LRP1B: variants seen among roughly 807,000 people sequenced by gnomAD.
LRP1B encodes LDL receptor related protein 1B.
Under a neutral mutation model 556.6 loss-of-function variants are expected in LRP1B, and 217 were observed. The observed-to-expected ratio is 0.39, with a 90% CI of 0.35 to 0.44. LRP1B has a LOEUF of 0.44. Among genes scored for constraint, LRP1B ranks in the 20% least tolerant of loss-of-function variants. LRP1B has a pLI of 1.00. For synonymous variants in LRP1B, 2,047 were observed against 1,865.8 expected, an observed-to-expected ratio of 1.10 and a Z score of -2.50; for missense variants, 5,053 against 5,620.8, an observed-to-expected ratio of 0.90 and a Z score of 3.23.
chr2:141,377,374 C>T (rs562853777), intron 3 of LRP1B, among the ~76,000 whole-genome samples: 5 of 152,074 alleles, frequency 3.3e-5, no homozygotes, highest in Admixed American at 1.3e-4. Context: ...TCTTTTTTTA[C>T]GTAAACAAGT....
At chr2:140,674,628 T>C (rs970504462) in intron 41 of LRP1B, among the ~76,000 whole-genome samples, 1 of 152,216 alleles carries the variant, frequency 6.6e-6, no homozygotes, top group African/African-American at 2.4e-5. Flanking sequence ...ATGTCTCACA[T>C]GTGTTGATTG....
intron 2 of LRP1B, among the ~76,000 whole-genome samples, chr2:141,563,891 C>T (rs529416679): frequency 9.9e-5 from 15 of 151,954 alleles, no homozygotes; most frequent in African/African-American, 2.9e-4. Context: ...GGGAGGGAGA[C>T]GGGGAAAGCT....
intron 59 of LRP1B, among the ~76,000 whole-genome samples, chr2:140,480,703 A>G (rs1469618195): frequency 2.0e-5 from 3 of 152,128 alleles, no homozygotes; most frequent in Non-Finnish European, 2.9e-5. Context: ...GACCTCCCAA[A>G]GTCCTGGGAT....
chr2:141,285,755 C>T (rs1261911604), intron 3 of LRP1B, among the ~76,000 whole-genome samples: 1 of 140,450 alleles, frequency 7.1e-6, no homozygotes, highest in East Asian at 2.4e-4. Context: ...CGAGCCCGGC[C>T]AAGAATAATA....
chr2:142,002,925 T>C (rs565483760), intron 1 of LRP1B, among the ~76,000 whole-genome samples: 1 of 152,352 alleles, frequency 6.6e-6, no homozygotes, highest in South Asian at 2.1e-4. Flanking sequence ...CTTTGTACTT[T>C]TGTTCCACTC....
At chr2:141,591,996 C>T (rs1415997425) in intron 2 of LRP1B, among the ~76,000 whole-genome samples, 1 of 152,030 alleles carries the variant, frequency 6.6e-6, no homozygotes. Context: ...ACCTGGAATT[C>T]CATCCCTCAG....
chr2:141,840,726 A>G (rs534025337), intron 1 of LRP1B, among the ~76,000 whole-genome samples: 2 of 152,200 alleles, frequency 1.3e-5, no homozygotes, highest in Non-Finnish European at 2.9e-5. Flanking sequence ...GTGGTAAATT[A>G]GCACTGCCAG....
chr2:141,548,712 C>T (rs1187543891), intron 2 of LRP1B, among the ~76,000 whole-genome samples: 2 of 152,054 alleles, frequency 1.3e-5, no homozygotes, highest in Admixed American at 6.6e-5. Context: ...TGTTTAGGCA[C>T]CAGCAAAGAG....
intron 15 of LRP1B, among the ~76,000 whole-genome samples, chr2:140,996,943 C>T (rs1467825135): frequency 2.6e-5 from 4 of 151,886 alleles, no homozygotes; most frequent in Admixed American, 6.6e-5. Context: ...GGTGTTTGAG[C>T]ACAGCCAAAA....
At chr2:141,141,999 G>GT (rs898064402) in intron 7 of LRP1B, among the ~76,000 whole-genome samples, 5,951 of 147,662 alleles carry the variant, frequency 0.04, 285 homozygotes, top group African/African-American at 0.12. Flanking sequence ...AAACGATAGG[G>GT]TTTTTTTTTT....
At chr2:140,680,320 G>A (rs1685817977) in intron 41 of LRP1B, among the ~76,000 whole-genome samples, 1 of 151,900 alleles carries the variant, frequency 6.6e-6, no homozygotes, top group African/African-American at 2.4e-5. Flanking sequence ...TTGGTCTTAA[G>A]TTGGCCCAAC....
intron 68 of LRP1B, among the ~76,000 whole-genome samples, chr2:140,375,269 GTTCCT>G (rs1462540832): frequency 6.7e-6 from 1 of 148,840 alleles, no homozygotes; most frequent in Non-Finnish European, 1.5e-5. Flanking sequence ...GTCAGTGGAA[GTTCCT>G]TTAAGTAAGT....
At chr2:141,157,368 T>C (rs1702093501) in intron 7 of LRP1B, among the ~76,000 whole-genome samples, 1 of 152,056 alleles carries the variant, frequency 6.6e-6, no homozygotes, top group African/African-American at 2.4e-5. Flanking sequence ...ATAGTATATA[T>C]AGAAAACATG....
chr2:140,390,768 T>TCACA (rs70985096), intron 66 of LRP1B, among the ~76,000 whole-genome samples: 5,390 of 143,722 alleles, frequency 0.038, 159 homozygotes, highest in African/African-American at 0.075. Flanking sequence ...AATAGAAACT[T>TCACA]CACACACACA....
At chr2:141,223,075 T>C (rs1301404938) in intron 6 of LRP1B, among the ~76,000 whole-genome samples, 1 of 152,070 alleles carries the variant, frequency 6.6e-6, no homozygotes, top group African/African-American at 2.4e-5. Flanking sequence ...GGGATTCAAA[T>C]AGGAAGAGAG....
At chr2:142,110,351 G>T (rs574021649) in intron 1 of LRP1B, among the ~76,000 whole-genome samples, 1 of 151,918 alleles carries the variant, frequency 6.6e-6, no homozygotes, top group Non-Finnish European at 1.5e-5. Context: ...TTTAAAAAAA[G>T]CTATCTGAAA....
intron 1 of LRP1B, among the ~76,000 whole-genome samples, chr2:141,885,527 C>A (rs900745925): frequency 3.3e-5 from 5 of 152,082 alleles, no homozygotes; most frequent in South Asian, 4.1e-4. Context: ...AATGAGCAGA[C>A]CTTGAAGAGG....
chr2:141,515,726 G>A (rs1424758811), intron 2 of LRP1B, among the ~76,000 whole-genome samples: 1 of 152,074 alleles, frequency 6.6e-6, no homozygotes, highest in Non-Finnish European at 1.5e-5. Context: ...TAGTGTACAA[G>A]GGGAAATGAT....
At chr2:140,252,979 A>G (rs6430888) in intron 86 of LRP1B, among the ~76,000 whole-genome samples, 149,603 of 152,198 alleles carry the variant, frequency 0.98, 73,596 homozygotes, top group Middle Eastern at 1. Flanking sequence ...TTCAATAAAT[A>G]CTTTGGTACT....
Sources: allele counts gnomAD v4.1 joint callset (sites outside exome capture counted in the v4.1 genomes callset), GRCh38; gene constraint gnomAD v4.1.1; transcripts MANE v1.5; gene names NCBI Gene and HGNC (gene_info 2026-07-23, HGNC 2026-07-21).